SOX6: variants seen among roughly 807,000 people sequenced by gnomAD.
SOX6 encodes SRY-box transcription factor 6.
In SOX6, 11 loss-of-function variants were observed where a neutral mutation model predicts 97.8. That is an observed-to-expected ratio of 0.11 (90% CI 0.07 to 0.19). SOX6 has a LOEUF of 0.19. SOX6 is among the 10% of genes least tolerant of loss of function. The pLI, the probability that SOX6 is intolerant of heterozygous loss-of-function variation, is 1.00. For missense variants in SOX6, 810 were observed against 1,039.5 expected (o/e 0.78, Z 3.04); for synonymous variants, 360 against 371.4 (o/e 0.97, Z 0.35).
At chr11:16,026,366 C>T (rs142578012) in intron 12 of SOX6, among the ~76,000 whole-genome samples, 213 of 152,206 alleles carry the variant, frequency 1.4e-3, no homozygotes, top group African/African-American at 4.1e-3. Context: ...TTGGCTACTT[C>T]TGAAGTTCCG....
At chr11:16,379,008 C>G (rs1359356669) in intron 1 of SOX6, among the ~76,000 whole-genome samples, 1 of 152,074 alleles carries the variant, frequency 6.6e-6, no homozygotes, top group East Asian at 1.9e-4. Flanking sequence ...ATTATTCCCA[C>G]TTTACATATA....
chr11:16,552,748 A>T (rs1166165869), intron 4 of SOX6, among the ~76,000 whole-genome samples: 2 of 152,216 alleles, frequency 1.3e-5, no homozygotes, highest in African/African-American at 4.8e-5. Context: ...CTTATATAAC[A>T]TTCCTAAAAG....
intron 13 of SOX6, among the ~76,000 whole-genome samples, chr11:16,002,435 T>C (rs989212259): frequency 6.6e-6 from 1 of 152,160 alleles, no homozygotes; most frequent in African/African-American, 2.4e-5. Context: ...TTTACACAGA[T>C]AGCTAAACAG....
intron 6 of SOX6, among the ~76,000 whole-genome samples, chr11:16,157,923 C>G (rs182652123): frequency 1.3e-5 from 2 of 152,092 alleles, no homozygotes; most frequent in African/African-American, 4.8e-5. Context: ...CTCCCTTACT[C>G]TATCAATTGG....
At chr11:16,687,911 C>G (rs993371069) in intron 3 of SOX6, among the ~76,000 whole-genome samples, 1 of 152,054 alleles carries the variant, frequency 6.6e-6, no homozygotes, top group Admixed American at 6.6e-5. Flanking sequence ...TTATTTTTAT[C>G]TTTGTTTCTC....
At chr11:16,560,978 G>A (rs554016112) in intron 4 of SOX6, among the ~76,000 whole-genome samples, 5 of 152,208 alleles carry the variant, frequency 3.3e-5, no homozygotes, top group African/African-American at 1.2e-4. Context: ...GGAAATATGG[G>A]AGTCGGGTGA....
chr11:16,671,936 A>G (rs1290732469), intron 3 of SOX6, among the ~76,000 whole-genome samples: 1 of 152,206 alleles, frequency 6.6e-6, no homozygotes, highest in Non-Finnish European at 1.5e-5. Context: ...CACCCTCAAG[A>G]TAACACCAGA....
intron 3 of SOX6, among the ~76,000 whole-genome samples, chr11:16,243,229 A>T (rs1853244444): frequency 6.6e-6 from 1 of 151,914 alleles, no homozygotes; most frequent in Non-Finnish European, 1.5e-5. Context: ...TTAATCAACT[A>T]ATTTAACTCT....
intron 9 of SOX6, among the ~76,000 whole-genome samples, chr11:16,059,505 T>TA (rs1056655394): frequency 6.6e-6 from 1 of 151,500 alleles, no homozygotes; most frequent in Non-Finnish European, 1.5e-5. Flanking sequence ...GATGGACAAA[T>TA]AAAAAAAATT....
intron 1 of SOX6, among the ~76,000 whole-genome samples, chr11:16,352,078 A>G (rs1856961143): frequency 6.6e-6 from 1 of 152,032 alleles, no homozygotes; most frequent in South Asian, 2.1e-4. Flanking sequence ...AAGGACTTAA[A>G]ATAAACTGGT....
chr11:16,224,920 T>C (rs1487621322), intron 4 of SOX6, among the ~76,000 whole-genome samples: 1 of 152,038 alleles, frequency 6.6e-6, no homozygotes, highest in African/African-American at 2.4e-5. Flanking sequence ...AAGTAAGAAG[T>C]TGGATTACAC....
At chr11:16,027,263 A>C (rs934393476) in intron 12 of SOX6, among the ~76,000 whole-genome samples, 3 of 152,220 alleles carry the variant, frequency 2.0e-5, no homozygotes, top group Non-Finnish European at 2.9e-5. Context: ...AAGATATATA[A>C]GTTAGAAATC....
chr11:16,072,407 A>G (rs990322876), intron 9 of SOX6, among the ~76,000 whole-genome samples: 34 of 152,254 alleles, frequency 2.2e-4, no homozygotes, highest in African/African-American at 7.2e-4. Flanking sequence ...AATAAATAAT[A>G]AAGAAGAATG....
intron 1 of SOX6, among the ~76,000 whole-genome samples, chr11:16,424,973 G>A (rs998704592): frequency 2.6e-5 from 4 of 152,148 alleles, no homozygotes; most frequent in Admixed American, 6.5e-5. Context: ...GGCAGCTGTG[G>A]GATAGCAAAG....
At chr11:16,515,221 T>A (rs1203637417) in intron 4 of SOX6, among the ~76,000 whole-genome samples, 3 of 152,182 alleles carry the variant, frequency 2.0e-5, no homozygotes, top group African/African-American at 7.2e-5. Context: ...GTTTCCTGAC[T>A]TTTTAATGAT....
At chr11:16,730,584 A>G (rs190418603) in intron 2 of SOX6, among the ~76,000 whole-genome samples, 104 of 152,368 alleles carry the variant, frequency 6.8e-4, no homozygotes, top group African/African-American at 2.4e-3. Flanking sequence ...TCTCTGGGAC[A>G]TAGCTAAAGC....
intron 13 of SOX6, among the ~76,000 whole-genome samples, chr11:16,002,099 C>T (rs963625134): frequency 3.9e-5 from 6 of 152,154 alleles, no homozygotes; most frequent in Admixed American, 1.3e-4. Flanking sequence ...CTTAGGATTG[C>T]TCAAGATGTC....
At chr11:16,114,872 A>G (rs1849310010) in intron 6 of SOX6, among the ~76,000 whole-genome samples, 1 of 149,356 alleles carries the variant, frequency 6.7e-6, no homozygotes, top group African/African-American at 2.5e-5. Context: ...AAAGGTCAAT[A>G]GCAATTAGAA....
chr11:16,004,354 T>A (rs549788415), intron 13 of SOX6, among the ~76,000 whole-genome samples: 9 of 152,242 alleles, frequency 5.9e-5, no homozygotes, highest in Admixed American at 5.9e-4. Flanking sequence ...AATGGTCAGC[T>A]GAATTGTTTC....
Sources: allele counts gnomAD v4.1 joint callset (sites outside exome capture counted in the v4.1 genomes callset), GRCh38; gene constraint gnomAD v4.1.1; transcripts MANE v1.5; gene names NCBI Gene and HGNC (gene_info 2026-07-23, HGNC 2026-07-21).